CEP104: variants seen among roughly 807,000 people sequenced by gnomAD.
The protein encoded by CEP104 is centrosomal protein of 104 kDa.
CEP104 carries 84 observed loss-of-function variants against 113.3 expected under a neutral mutation model. That is an observed-to-expected ratio of 0.74 (90% CI 0.62 to 0.89). The LOEUF is 0.89. CEP104 is among the 40% of genes least tolerant of loss of function. The pLI is 0.00. For synonymous variants in CEP104, 378 were observed against 421.7 expected (o/e 0.90, Z 1.27); for missense variants, 1,053 against 1,156.6 (o/e 0.91, Z 1.30).
chr1:3,847,224 G>A (rs1487000817), intron 4 of CEP104, among the ~76,000 whole-genome samples: 1 of 152,090 alleles, frequency 6.6e-6, no homozygotes, highest in Non-Finnish European at 1.5e-5. Context: ...TTTGTACTGA[G>A]TCTCTGAAGC....
At chr1:3,855,567 C>T (rs1644704044) in intron 1 of CEP104, among the ~76,000 whole-genome samples, 1 of 152,126 alleles carries the variant, frequency 6.6e-6, no homozygotes, top group South Asian at 2.1e-4. Context: ...TGCTATACTG[C>T]CCCCAACAAA....
intron 1 of CEP104, 101 bp from the exon 2 acceptor site, chr1:3,852,522 G>A (rs928957617): frequency 7.8e-6 from 8 of 1,030,786 alleles, no homozygotes; most frequent in Non-Finnish European, 1.1e-5. Context: ...ACACAATAAT[G>A]CACTAAGTAT....
At chr1:3,843,199 C>T in intron 6 of CEP104, 1 of 712,992 alleles carries the variant, frequency 1.4e-6, no homozygotes, top group Non-Finnish European at 2.6e-6. Flanking sequence ...TTGTCATCCA[C>T]AGCAGGCAGG....
intron 6 of CEP104, among the ~76,000 whole-genome samples, chr1:3,842,507 G>C (rs1464628828): frequency 6.6e-6 from 1 of 152,238 alleles, no homozygotes; most frequent in East Asian, 1.9e-4. Flanking sequence ...CTCTGCAGGA[G>C]GGAAGGCTCG....
chr1:3,825,827 T>C lies in CEP104; in HGVS notation c.2295A>G (p.Thr765=). The part of the protein sequence containing the change: ...IFCGERSESF[T]EEGLDLHYWK... ...AGTAGTGGAGATCCAGACCTTCCTC[T>C]GTGAAGGATTCACTCCTTTCCCCAC... The change falls in exon 18 of 22, where the codon ACA becomes ACG. Residue 765 remains threonine (T), a synonymous_variant. Coordinates refer to ENST00000378230, the MANE Select transcript of CEP104 (RefSeq NM_014704.4). 10 of 1,613,794 alleles carry C rather than the reference T, an allele frequency of 6.2e-6. No individual in the cohort carries two copies. Among genetic ancestry groups the C allele is most frequent in the Non-Finnish European group, 7.6e-6 (9 of 1,179,676 alleles).
At chr1:3,842,135 TGG>T (rs1327966905) in intron 6 of CEP104, among the ~76,000 whole-genome samples, 1 of 152,260 alleles carries the variant, frequency 6.6e-6, no homozygotes, top group Non-Finnish European at 1.5e-5. Context: ...TCGCCCAGGC[TGG>T]AGTGCAGTGG....
At position 3,834,917 on chromosome 1, in the gene CEP104, G is replaced by C. The variant is rs757172798; in HGVS notation, c.1485+8C>G. On this transcript the variant is annotated splice_region_variant and intron_variant, in intron 11 of 21. Coordinates refer to ENST00000378230, the MANE Select transcript of CEP104 (RefSeq NM_014704.4). ...ACGCTGGAGCCAGCGCCAGCTGAGG[G>C]CACTCACGGAGGTCACAATGTCCTT... 6.4e-7 allele frequency: 1 copy of C among 1,573,618 alleles called. No homozygotes were observed. Among genetic ancestry groups the C allele is most frequent in the Non-Finnish European group, 8.6e-7 (1 of 1,158,294 alleles).
chr1:3,823,422 A>C lies in CEP104; in HGVS notation c.2503+2T>G. Reference sequence around the variant, plus strand: ...CACGGGAGCCTGGGAAGGGGCACTCACGGTTGCAATCCTTGTGTTTTATGT... The same window carrying C: ...CACGGGAGCCTGGGAAGGGGCACTCCCGGTTGCAATCCTTGTGTTTTATGT... On this transcript the variant is annotated splice_donor_variant, in intron 19 of 21. Transcript: ENST00000378230. LOFTEE classifies it high-confidence loss of function. This position sits in a 1 kb window ranked among gnomAD's most constrained non-coding sequence, Gnocchi z 4.1. 1 of 1,614,160 alleles carries C rather than the reference A, an allele frequency of 6.2e-7. No individual in the cohort carries two copies. The highest frequency in any genetic ancestry group is 8.5e-7 in the Non-Finnish European group (1 of 1,180,038).
intron 15 of CEP104, among the ~76,000 whole-genome samples, chr1:3,828,826 C>T (rs1204001374): frequency 1.4e-5 from 2 of 145,658 alleles, no homozygotes; most frequent in South Asian, 4.3e-4. Flanking sequence ...TATTTGTTCC[C>T]AGTACATATG....
chr1:3,826,713 T>C lies in CEP104; in HGVS notation c.2183A>G (p.Asn728Ser), dbSNP rs773575374. The C allele has an allele frequency of 9.3e-6, 15 of 1,614,146 alleles. No homozygotes were observed. Among genetic ancestry groups the C allele is most frequent in the Non-Finnish European group, 5.1e-6 (6 of 1,179,984 alleles). Reference protein sequence around the residue: ...EKESDAVKPKNQDIQGGKAAP... With the variant: ...EKESDAVKPKSQDIQGGKAAP... Reference sequence around the variant, plus strand: ...CACCCCAATTCTTTACATACCCTGATTCTTTGGCTTCACAGCATCACTTTC... The same window carrying C: ...CACCCCAATTCTTTACATACCCTGACTCTTTGGCTTCACAGCATCACTTTC... The change falls in exon 16 of 22, where the codon AAT becomes AGT. Residue 728 changes from asparagine to serine, a missense_variant. By Grantham distance (46) the Asn-to-Ser change is conservative (BLOSUM62 1). Transcript: ENST00000378230.
rs1055712248 is a variant in CEP104, at chr1:3,829,356, A to G, written c.2061T>C (p.Ala687=). The part of the protein sequence containing the change: ...DAEMRARRKA[A]TEEAEKQKKE... ...TCTTTTGTTTTTCTGCTTCTTCTGT[A>G]GCCGCTTTTCTCCGTGCCTGGTAAG... Residue 687 remains alanine (A), a synonymous_variant, in exon 15 of 22, where the codon GCT becomes GCC. Transcript: ENST00000378230. 1.9e-6 allele frequency: 3 copies of G among 1,610,322 alleles called. No individual in the cohort carries two copies. Among genetic ancestry groups the G allele is most frequent in the African/African-American group, 2.7e-5 (2 of 74,638 alleles).
intron 16 of CEP104, 72 bp from the exon 17 acceptor site, chr1:3,826,508 G>A (rs1557665502): frequency 2.8e-6 from 4 of 1,423,850 alleles, no homozygotes; most frequent in Non-Finnish European, 2.9e-6. Context: ...GCAGTTTGAT[G>A]TGAGCTCTAA....
At chr1:3,833,004 A>G (rs1221919882) in intron 12 of CEP104, among the ~76,000 whole-genome samples, 1 of 86,614 alleles carries the variant, frequency 1.2e-5, no homozygotes, top group Non-Finnish European at 2.5e-5. Flanking sequence ...TTTTTTTTTT[A>G]AGATGGAGTC....
chr1:3,831,482 A>G (rs1444372335), intron 12 of CEP104, among the ~76,000 whole-genome samples: 1 of 152,264 alleles, frequency 6.6e-6, no homozygotes, highest in Non-Finnish European at 1.5e-5. Context: ...AAAGCTTTTC[A>G]GAAGCGTAAT....
intron 11 of CEP104, 92 bp from the exon 12 acceptor site, chr1:3,834,127 A>G: frequency 9.6e-7 from 1 of 1,043,532 alleles, no homozygotes; most frequent in African/African-American, 1.6e-5. Flanking sequence ...ACATACGAAC[A>G]TTATATCGAA....
Position 3,813,675 on chromosome 1 carries a change from C to G in CEP104, c.*1727G>C, listed in dbSNP as rs954141386. ...ACCAGCCTGGCCAACATGGTGAAAC[C>G]CCATCTCTACTAAAAATAGAAAAAA... On this transcript the variant is annotated 3_prime_UTR_variant, in exon 22 of 22. Coordinates refer to ENST00000378230, the MANE Select transcript of CEP104 (RefSeq NM_014704.4). 4.6e-5 allele frequency: 7 copies of G among 151,644 alleles called. No homozygotes were observed. Among genetic ancestry groups the G allele is most frequent in the African/African-American group, 1.7e-4 (7 of 41,284 alleles). 9.4% of individuals were successfully genotyped at this position (151,644 alleles called of 1,614,324 possible).
intron 14 of CEP104, 169 bp downstream of exon 14, chr1:3,829,622 G>C (rs1240543527): frequency 2.7e-6 from 2 of 740,772 alleles, no homozygotes; most frequent in Non-Finnish European, 4.4e-6. Flanking sequence ...GCAGAAAGTG[G>C]AGCAGCCGGG....
At chr1:3,836,764 T>C in intron 9 of CEP104, 72 bp from the exon 10 acceptor site, 1 of 1,401,042 alleles carries the variant, frequency 7.1e-7, no homozygotes, top group Non-Finnish European at 1.0e-6. Context: ...CAACTCTCAC[T>C]GGCAGGCTTA....
At position 3,816,968 on chromosome 1, in the gene CEP104, G is replaced by A. The variant is rs558047179; in HGVS notation, c.2572-598C>T. On this transcript the variant is annotated intron_variant, in intron 20 of 21. Coordinates refer to ENST00000378230, the MANE Select transcript of CEP104 (RefSeq NM_014704.4). Reference sequence around the variant, plus strand: ...TCTCGTCCTCCTGTTGGATATAAACGCGGGATCGCTGGTTCCCTGAGTCTT... The same window carrying A: ...TCTCGTCCTCCTGTTGGATATAAACACGGGATCGCTGGTTCCCTGAGTCTT... Among the ~76,000 whole-genome samples, 3 of 152,348 alleles carry A rather than the reference G, an allele frequency of 2.0e-5. No homozygotes were observed. In the East Asian group the frequency reaches 5.8e-4, roughly 29 times the overall value.
Sources: gnomAD v4.1 joint callset for allele counts (sites outside exome capture counted in the v4.1 genomes callset) on GRCh38, gnomAD v4.1.1 for gene constraint, Gnocchi (gnomAD v3.1) non-coding constraint, MANE v1.5 for transcripts, NCBI Gene and HGNC (gene_info 2026-07-23, HGNC 2026-07-21) for gene names.